The following CABCOCO1 variants were observed in gnomAD, a reference collection of about 807,000 sequenced individuals.
CABCOCO1 encodes ciliary-associated calcium-binding coiled-coil protein 1.
CABCOCO1 carries 28 observed loss-of-function variants against 35.7 expected under a neutral mutation model. The observed-to-expected ratio is 0.78, with a 90% CI of 0.58 to 1.07. The LOEUF (loss-of-function observed/expected upper bound fraction) is 1.07. Ranked by LOEUF, CABCOCO1 falls within the 50% of genes least tolerant of loss-of-function variation. The pLI is 0.00. For synonymous variants in CABCOCO1, 95 were observed against 100.1 expected (o/e 0.95, Z 0.30); for missense variants, 326 against 309.2 (o/e 1.05, Z -0.41).
At chr10:61,749,243 C>G (rs1431417933) in intron 5 of CABCOCO1, among the ~76,000 whole-genome samples, 1 of 152,142 alleles carries the variant, frequency 6.6e-6, no homozygotes, top group Non-Finnish European at 1.5e-5. Flanking sequence ...GAAGAATAAT[C>G]ACAGGAGCTT....
intron 1 of CABCOCO1, among the ~76,000 whole-genome samples, 118 bp from the exon 2 acceptor site, chr10:61,672,514 T>C (rs1352950732): frequency 6.6e-6 from 1 of 152,188 alleles, no homozygotes; most frequent in East Asian, 1.9e-4. Flanking sequence ...AAGATTGTTG[T>C]TTTTAAATGT....
At chr10:61,701,096 T>C (rs1261236726) in intron 5 of CABCOCO1, among the ~76,000 whole-genome samples, 4 of 152,116 alleles carry the variant, frequency 2.6e-5, no homozygotes, top group Non-Finnish European at 4.4e-5. Flanking sequence ...CCAGATCATC[T>C]TCACTTTCTC....
intron 5 of CABCOCO1, among the ~76,000 whole-genome samples, chr10:61,703,328 C>T (rs1479069300): frequency 1.3e-5 from 2 of 151,342 alleles, no homozygotes; most frequent in Non-Finnish European, 2.9e-5. Flanking sequence ...ATTTTTTTCG[C>T]CCCTATTCAA....
intron 5 of CABCOCO1, among the ~76,000 whole-genome samples, chr10:61,698,817 A>C (rs1175878598): frequency 6.6e-6 from 1 of 152,142 alleles, no homozygotes; most frequent in Non-Finnish European, 1.5e-5. Flanking sequence ...TCCTGAATAA[A>C]CAAAATATGA....
chr10:61,715,093 T>C (rs1246555190), intron 5 of CABCOCO1, among the ~76,000 whole-genome samples: 2 of 152,180 alleles, frequency 1.3e-5, no homozygotes, highest in Non-Finnish European at 2.9e-5. Flanking sequence ...CGTTGATCTG[T>C]CTAATATTGA....
chr10:61,726,509 G>A (rs1383161069), intron 5 of CABCOCO1, among the ~76,000 whole-genome samples: 2 of 151,864 alleles, frequency 1.3e-5, no homozygotes, highest in South Asian at 2.1e-4. Flanking sequence ...ACAATGGGAC[G>A]TGGAGTGATT....
At chr10:61,727,745 A>T (rs773301807) in intron 5 of CABCOCO1, among the ~76,000 whole-genome samples, 22 of 152,198 alleles carry the variant, frequency 1.4e-4, no homozygotes, top group Non-Finnish European at 1.3e-4. Flanking sequence ...ATGACTCAAT[A>T]AAAAATAAAC....
At chr10:61,735,595 T>C (rs1841398541) in intron 5 of CABCOCO1, among the ~76,000 whole-genome samples, 1 of 152,178 alleles carries the variant, frequency 6.6e-6, no homozygotes, top group Non-Finnish European at 1.5e-5. Context: ...CTTTTATCTA[T>C]CACCTAAGTT....
chr10:61,741,724 G>A (rs1435933628), intron 5 of CABCOCO1, among the ~76,000 whole-genome samples: 1 of 152,170 alleles, frequency 6.6e-6, no homozygotes, highest in Non-Finnish European at 1.5e-5. Context: ...GGGCTGATTA[G>A]AATATGAAGC....
At chr10:61,700,521 GT>G (rs1840420897) in intron 5 of CABCOCO1, among the ~76,000 whole-genome samples, 1 of 152,056 alleles carries the variant, frequency 6.6e-6, no homozygotes, top group Non-Finnish European at 1.5e-5. Flanking sequence ...TTGTGAGAAT[GT>G]GATGAATGGC....
At chr10:61,729,822 A>C (rs909152043) in intron 5 of CABCOCO1, among the ~76,000 whole-genome samples, 2 of 152,134 alleles carry the variant, frequency 1.3e-5, no homozygotes, top group African/African-American at 4.8e-5. Flanking sequence ...AGCATGGATA[A>C]ACCTTGAGGA....
intron 5 of CABCOCO1, among the ~76,000 whole-genome samples, chr10:61,749,619 CAT>C (rs1426130332): frequency 1.3e-5 from 2 of 152,292 alleles, no homozygotes; most frequent in East Asian, 1.9e-4. Flanking sequence ...CTAGTATACA[CAT>C]GTCATTTTAC....
At chr10:61,680,467 A>G (rs1450574569) in intron 2 of CABCOCO1, among the ~76,000 whole-genome samples, 2 of 46,604 alleles carry the variant, frequency 4.3e-5, no homozygotes, top group Admixed American at 2.3e-4. Context: ...TAACATATAT[A>G]ATATATATTT....
intron 5 of CABCOCO1, among the ~76,000 whole-genome samples, chr10:61,692,787 G>A (rs937121038): frequency 2.6e-5 from 4 of 152,114 alleles, no homozygotes; most frequent in African/African-American, 9.7e-5. Context: ...TCATACTGTA[G>A]CTTAAATTAG....
chr10:61,673,573 A>G (rs1158402665), intron 2 of CABCOCO1, among the ~76,000 whole-genome samples: 1 of 152,190 alleles, frequency 6.6e-6, no homozygotes, highest in Non-Finnish European at 1.5e-5. Context: ...AAATCTTACA[A>G]ATGTTATAGC....
chr10:61,682,228 A>T (rs1839814216), intron 3 of CABCOCO1, among the ~76,000 whole-genome samples: 1 of 152,176 alleles, frequency 6.6e-6, no homozygotes, highest in Non-Finnish European at 1.5e-5. Flanking sequence ...TTATTGCAAA[A>T]ATGAATTTCT....
intron 5 of CABCOCO1, among the ~76,000 whole-genome samples, chr10:61,708,948 CTAATCTGGAAACTT>C (rs1250320757): frequency 6.6e-6 from 1 of 152,146 alleles, no homozygotes; most frequent in African/African-American, 2.4e-5. Flanking sequence ...GCATAAACTT[CTAATCTGGAAACTT>C]TATACACTGT....
chr10:61,676,410 T>G (rs1440407542), intron 2 of CABCOCO1, among the ~76,000 whole-genome samples: 1 of 152,118 alleles, frequency 6.6e-6, no homozygotes, highest in Non-Finnish European at 1.5e-5. Context: ...AAACAATTAT[T>G]CTAGAACATC....
At chr10:61,678,312 A>G (rs1839587140) in intron 2 of CABCOCO1, among the ~76,000 whole-genome samples, 1 of 152,172 alleles carries the variant, frequency 6.6e-6, no homozygotes, top group African/African-American at 2.4e-5. Flanking sequence ...CTTTCACTTA[A>G]GAGTGAATGA....
Sources: gnomAD v4.1 joint callset for allele counts (sites outside exome capture counted in the v4.1 genomes callset) on GRCh38, gnomAD v4.1.1 for gene constraint, MANE v1.5 for transcripts, NCBI Gene and HGNC (gene_info 2026-07-23, HGNC 2026-07-21) for gene names.